APBB3: variants seen among roughly 807,000 people sequenced by gnomAD.
APBB3 encodes amyloid-beta A4 precursor protein-binding family B member 3.
Under a neutral mutation model 61.5 loss-of-function variants are expected in APBB3, and 50 were observed. The ratio of observed to expected loss-of-function variants is 0.81; its 90% CI spans 0.65 to 1.03. APBB3 has a LOEUF of 1.03. Ranked by LOEUF, APBB3 falls within the 50% of genes least tolerant of loss-of-function variation. APBB3 has a pLI of 0.00. For missense variants in APBB3, 550 were observed against 637.4 expected, an observed-to-expected ratio of 0.86 and a Z score of 1.48; for synonymous variants, 235 against 233.0, an observed-to-expected ratio of 1.01 and a Z score of -0.08.
Position 140,558,756 on chromosome 5 carries a change from A to G in APBB3, c.1290T>C (p.Arg430=). Reference sequence around the variant, plus strand: ...TGGTCCGCTTGAGCCGCAGGCGGGCACGGGCCTGGGCACCCCAGGCCTTGC... The same window carrying G: ...TGGTCCGCTTGAGCCGCAGGCGGGCGCGGGCCTGGGCACCCCAGGCCTTGC... ...ARGKAWGAQA[R]ARLRLKRTSS... The change falls in exon 13 of 13, where the codon CGT becomes CGC. Residue 430 remains arginine, a synonymous_variant. Transcript: ENST00000357560. 1 of 1,607,146 alleles carries G rather than the reference A, an allele frequency of 6.2e-7. No homozygotes were observed. Among genetic ancestry groups the G allele is most frequent in the Non-Finnish European group, 8.5e-7 (1 of 1,178,236 alleles).
rs767409262 is a variant in APBB3 at position 140,558,574 on chromosome 5, C to T, written c.*11G>A. 65 of 1,613,630 alleles carry T rather than the reference C, an allele frequency of 4.0e-5. No homozygotes were observed. The highest frequency in any genetic ancestry group is 1.6e-4 in the Middle Eastern group (1 of 6,062). Reference sequence around the variant, plus strand: ...ACCCAGAGCCTACTTCCCCAGCCTTCCCAGATAAGTTTAGGGCATATGGAG... The same window carrying T: ...ACCCAGAGCCTACTTCCCCAGCCTTTCCAGATAAGTTTAGGGCATATGGAG... On this transcript the variant is annotated 3_prime_UTR_variant, in exon 13 of 13. Coordinates refer to ENST00000357560, the MANE Select transcript of APBB3 (RefSeq NM_133173.3).
chr5:140,562,604 C>G, intron 4 of APBB3, 59 bp downstream of exon 4: 2 of 1,611,314 alleles, frequency 1.2e-6, no homozygotes, highest in Non-Finnish European at 1.7e-6. Context: ...CTGTTCAGTC[C>G]AATCCCACCC....
Position 140,558,513 on chromosome 5 carries a change from G to A in APBB3, c.*72C>T, listed in dbSNP as rs1281566718. 5 of 1,412,656 alleles carry A rather than the reference G, an allele frequency of 3.5e-6. No homozygotes were observed. The highest frequency in any genetic ancestry group is 4.0e-6 in the Non-Finnish European group (4 of 996,610). 87.5% of individuals were successfully genotyped at this position (1,412,656 alleles called of 1,614,324 possible). A position where few individuals can be genotyped will look rare whatever the true frequency, so the allele number is the denominator to read the frequency against. On this transcript the variant is annotated 3_prime_UTR_variant, in exon 13 of 13. Transcript: ENST00000357560. ...GGCTTCAAGGAGTGACAGGCTATAGGCCTTGAGGAATAAAACGGTACAGAG... is the reference window on the plus strand; with the variant it reads ...GGCTTCAAGGAGTGACAGGCTATAGACCTTGAGGAATAAAACGGTACAGAG...
At chr5:140,561,221 C>T (rs571229655) in intron 9 of APBB3, 120 bp from the exon 10 acceptor site, 766 of 1,431,980 alleles carry the variant, frequency 5.3e-4, no homozygotes, top group Non-Finnish European at 7.2e-4. Flanking sequence ...CTCATAGATG[C>T]TCCTCCAACT....
In APBB3 at chr5:140,561,039, G is replaced by A. The variant is rs1234579997; in HGVS notation, c.895C>T (p.Leu299=). ...TCACCCATGGCCTTGGTGACTGGCA[G>A]TGTCCCCATATACAGTGCCTCGTAC... ...QKYEALYMGT[L]PVTKAMGMDV... Residue 299 remains leucine, a synonymous_variant, in exon 10 of 13, where the codon CTG becomes TTG. Transcript: ENST00000357560. 7.4e-6 allele frequency: 12 copies of A among 1,613,508 alleles called. No individual in the cohort carries two copies. Among genetic ancestry groups the A allele is most frequent in the African/African-American group, 1.3e-5 (1 of 74,924 alleles).
At position 140,560,308 on chromosome 5, in the gene APBB3, C is replaced by T; in HGVS notation, c.1224+5G>A. On this transcript the variant is annotated splice_donor_5th_base_variant and intron_variant, in intron 12 of 12. Transcript: ENST00000357560. This position sits in a 1 kb window ranked among gnomAD's most constrained non-coding sequence, Gnocchi z 5.1. Reference sequence around the variant, plus strand: ...CCCACCAACCCATTCCCACCCATGACTCACCATACAGGCAGCCTGCACAGC... The same window carrying T: ...CCCACCAACCCATTCCCACCCATGATTCACCATACAGGCAGCCTGCACAGC... The T allele has an allele frequency of 6.2e-7, 1 of 1,608,918 alleles. No homozygotes were observed. The highest frequency in any genetic ancestry group is 8.5e-7 in the Non-Finnish European group (1 of 1,178,338).
Position 140,560,344 on chromosome 5 carries a change from C to T in APBB3, c.1193G>A (p.Gly398Glu), listed in dbSNP as rs148009989. Residue 398 changes from glycine (G) to glutamate (E), a missense_variant, in exon 12 of 13, where the codon GGA (glycine) becomes GAA (glutamate). Physicochemically the swap from Gly to Glu is moderately conservative, Grantham distance 98 (BLOSUM62 -2). Transcript: ENST00000357560. This position sits in a 1 kb window ranked among gnomAD's most constrained non-coding sequence, Gnocchi z 5.1. The stretch of plus-strand genomic sequence containing the variant: ...GGCAGCCTGCACAGCTTCAGAGAGT[C>T]CCCCTGCATGGGGCTGGCACCAGAA... ...AAFWCQPHAG[G>E]LSEAVQAACM... The T allele has an allele frequency of 4.0e-4, 648 of 1,613,520 alleles. 6 individuals carry two copies. In the Middle Eastern group the frequency reaches 9.6e-3, roughly 24 times the overall value.
chr5:140,563,112 G>C (rs905597719), intron 3 of APBB3, among the ~76,000 whole-genome samples: 3 of 152,234 alleles, frequency 2.0e-5, no homozygotes, highest in African/African-American at 7.2e-5. Context: ...GGGCATGGTG[G>C]CATGTGCCTG....
rs1366575731 is a variant in APBB3, at chr5:140,558,606, G to T, written c.1440C>A (p.Pro480=). 6.2e-7 allele frequency: 1 copy of T among 1,614,072 alleles called. No individual in the cohort carries two copies. The highest frequency in any genetic ancestry group is 8.5e-7 in the Non-Finnish European group (1 of 1,180,034). The change falls in exon 13 of 13, where the codon CCC becomes CCA. Residue 480 remains proline, a synonymous_variant. Coordinates refer to ENST00000357560, the MANE Select transcript of APBB3 (RefSeq NM_133173.3). Reference sequence around the variant, plus strand: ...AAGTTTAGGGCATATGGAGCAGAGAGGGTTTCAGCCGGAAGGCATCAAGAA... The same window carrying T: ...AAGTTTAGGGCATATGGAGCAGAGATGGTTTCAGCCGGAAGGCATCAAGAA... ...FSFLDAFRLK[P]SLLHMP
chr5:140,563,079 T>A (rs1190413433), intron 3 of APBB3, among the ~76,000 whole-genome samples: 1 of 152,114 alleles, frequency 6.6e-6, no homozygotes, highest in African/African-American at 2.4e-5. Flanking sequence ...ACCCCATATC[T>A]ACTAAAAATA....
intron 3 of APBB3, among the ~76,000 whole-genome samples, chr5:140,563,176 C>T (rs1270689246): frequency 6.6e-6 from 1 of 150,526 alleles, no homozygotes; most frequent in Non-Finnish European, 1.5e-5. Flanking sequence ...ACCTGGGAGG[C>T]GGAGGTTGCA....
At chr5:140,559,790 T>C (rs964605990) in intron 12 of APBB3, among the ~76,000 whole-genome samples, 24 of 152,244 alleles carry the variant, frequency 1.6e-4, no homozygotes, top group African/African-American at 5.3e-4. Context: ...TTATTTCTGG[T>C]CTATCTTGGC....
Position 140,562,390 on chromosome 5 carries a change from C to T in APBB3, c.461G>A (p.Arg154His), listed in dbSNP as rs34920898. Residue 154 changes from arginine (R) to histidine (H), a missense_variant, in exon 5 of 13, where the codon CGC becomes CAC. By Grantham distance (29) the Arg-to-His change is conservative (BLOSUM62 0). Transcript: ENST00000357560. ...ACCATCTGGAGGCTGGCTCCGGCTG[C>T]GGGTCTGGGCCAGCTGCTGGATACA... ...NNCIQQLAQT[R>H]SRSQPPDGAW... The T allele has an allele frequency of 8.5e-4, 1,379 of 1,614,140 alleles. 7 individuals are homozygous for T. The African/African-American group carries it at 0.015, about 17-fold the overall frequency.
rs1561876770 is a variant in APBB3, at chr5:140,564,412, CG to C, written c.-168del. The C allele has an allele frequency of 2.2e-5, 17 of 782,746 alleles. No homozygotes were observed. The highest frequency in any genetic ancestry group is 7.9e-5 in the Admixed American group (3 of 37,740). 48.5% of individuals were successfully genotyped at this position (782,746 alleles called of 1,614,324 possible). A position where few individuals can be genotyped will look rare whatever the true frequency, so the allele number is the denominator to read the frequency against. ...CACGGGGCGGGACACGGGCCGGTCCCGGGGGAGGGCCTGAGCCGCACAGCCC... is the reference window on the plus strand; with the variant it reads ...CACGGGGCGGGACACGGGCCGGTCCCGGGGAGGGCCTGAGCCGCACAGCCC... On this transcript the variant is annotated 5_prime_UTR_variant, in exon 1 of 13. Transcript: ENST00000357560. This position sits in a 1 kb window ranked among gnomAD's most constrained non-coding sequence, Gnocchi z 5.0.
At chr5:140,562,606 A>G (rs1254764052) in intron 4 of APBB3, 57 bp downstream of exon 4, 2 of 1,611,796 alleles carry the variant, frequency 1.2e-6, no homozygotes, top group African/African-American at 1.3e-5. Flanking sequence ...GTTCAGTCCA[A>G]TCCCACCCTT....
In APBB3 at chr5:140,560,756, T is replaced by C. The variant is rs746294382; in HGVS notation, c.917-2A>G. On this transcript the variant is annotated splice_acceptor_variant, in intron 10 of 12. Transcript: ENST00000357560. LOFTEE classifies it high-confidence loss of function. The surrounding 1 kb of genome is among the most constrained non-coding windows in gnomAD (Gnocchi z 5.1). Reference sequence around the variant, plus strand: ...TGGCCTCGTTCAGCACATCCATGCCTGGGGGAACATACCCAGCGTGTCTCC... The same window carrying C: ...TGGCCTCGTTCAGCACATCCATGCCCGGGGGAACATACCCAGCGTGTCTCC... 6.2e-7 allele frequency: 1 copy of C among 1,613,286 alleles called. No individual in the cohort carries two copies. Among genetic ancestry groups the C allele is most frequent in the Admixed American group, 1.7e-5 (1 of 60,018 alleles).
In APBB3 at chr5:140,562,156, G is replaced by A. The variant is rs781456479; in HGVS notation, c.570C>T (p.Ile190=). ...SLVNPLDHSL[I]HCQPLVHIRV... is the part of the protein sequence containing the mutation. Reference sequence around the variant, plus strand: ...GGATGTGCACCAGAGGCTGGCAGTGGATCAGACTGTGGTCCAGGGGATTCA... The same window carrying A: ...GGATGTGCACCAGAGGCTGGCAGTGAATCAGACTGTGGTCCAGGGGATTCA... Residue 190 remains isoleucine, a synonymous_variant, in exon 6 of 13, where the codon ATC becomes ATT. Coordinates refer to ENST00000357560, the MANE Select transcript of APBB3 (RefSeq NM_133173.3). 20 of 1,614,190 alleles carry A rather than the reference G, an allele frequency of 1.2e-5. No individual in the cohort carries two copies. The East Asian group carries it at 4.0e-4, about 32-fold the overall frequency.
At chr5:140,561,792 G>C in intron 7 of APBB3, 52 bp downstream of exon 7, 1 of 1,614,046 alleles carries the variant, frequency 6.2e-7, no homozygotes. Context: ...ATATAGCAGG[G>C]ATGGAGTAGG....
chr5:140,563,339 A>C (rs1755052874), intron 3 of APBB3: 2 of 549,062 alleles, frequency 3.6e-6, no homozygotes, highest in Non-Finnish European at 6.4e-6. Flanking sequence ...CAGAGGACTT[A>C]ATGGCCAAGG....
Sources: allele counts gnomAD v4.1 joint callset (sites outside exome capture counted in the v4.1 genomes callset), GRCh38; gene constraint gnomAD v4.1.1; non-coding constraint Gnocchi (gnomAD v3.1); transcripts MANE v1.5; gene names NCBI Gene and HGNC (gene_info 2026-07-23, HGNC 2026-07-21).